CRBN: variants seen among roughly 807,000 people sequenced by gnomAD.
CRBN encodes protein cereblon.
In CRBN, 53 loss-of-function variants were observed where a neutral mutation model predicts 62.2. The ratio of observed to expected loss-of-function variants is 0.85; its 90% confidence interval spans 0.68 to 1.07. The LOEUF is 1.07. CRBN is among the 50% of genes least tolerant of loss of function. CRBN has a pLI of 0.00. For missense variants in CRBN, 616 were observed against 531.1 expected (o/e 1.16, Z -1.57); for synonymous variants, 208 against 176.1 (o/e 1.18, Z -1.43).
chr3:3,179,678 C>T lies in CRBN; in HGVS notation c.10G>A (p.Glu4Lys). Reference sequence around the variant, plus strand: ...TGCGCAGCGTCCTGCTGATCTCCTTCGCCGGCCATGTCTGTTTACCCGCAA... The same window carrying T: ...TGCGCAGCGTCCTGCTGATCTCCTTTGCCGGCCATGTCTGTTTACCCGCAA... MAG[E>K]GDQQDAAHNM... The change falls in exon 1 of 11, where the codon GAA becomes AAA. Residue 4 changes from glutamate (E) to lysine (K), a missense_variant. Coordinates refer to ENST00000231948, the MANE Select transcript of CRBN (RefSeq NM_016302.4). 1 of 1,613,112 alleles carries T rather than the reference C, an allele frequency of 6.2e-7. No individual in the cohort carries two copies. The highest frequency in any genetic ancestry group is 8.5e-7 in the Non-Finnish European group (1 of 1,179,540).
At chr3:3,173,427 T>A (rs1461115837) in intron 3 of CRBN, among the ~76,000 whole-genome samples, 1 of 152,186 alleles carries the variant, frequency 6.6e-6, no homozygotes, top group Non-Finnish European at 1.5e-5. Context: ...TAGAGAACTT[T>A]AGGAAAATAA....
chr3:3,152,301 TG>T (rs1325923104), intron 10 of CRBN, among the ~76,000 whole-genome samples, 154 bp downstream of exon 10: 5 of 152,008 alleles, frequency 3.3e-5, no homozygotes, highest in African/African-American at 1.2e-4. Context: ...TACAGACCCC[TG>T]CCCCCATACC....
At chr3:3,164,598 G>A (rs1221659552) in intron 5 of CRBN, among the ~76,000 whole-genome samples, 1 of 152,172 alleles carries the variant, frequency 6.6e-6, no homozygotes, top group African/African-American at 2.4e-5. Flanking sequence ...AACAAAGTCC[G>A]GATGACAGAA....
chr3:3,157,129 A>G (rs780104017), intron 5 of CRBN, among the ~76,000 whole-genome samples: 2 of 152,186 alleles, frequency 1.3e-5, no homozygotes, highest in Non-Finnish European at 2.9e-5. Context: ...TTTTTGAAAG[A>G]GAAGCAAATG....
At position 3,179,675 on chromosome 3, in the gene CRBN, C is replaced by T. The variant is rs1250225494; in HGVS notation, c.13G>A (p.Gly5Arg). The change falls in exon 1 of 11, where the codon GGA becomes AGA. Residue 5 changes from glycine (G) to arginine (R), a missense_variant. By Grantham distance (125) the Gly-to-Arg change is moderately radical (BLOSUM62 -2). Transcript: ENST00000231948. MAGE[G>R]DQQDAAHNMG... ...TTGTGCGCAGCGTCCTGCTGATCTCCTTCGCCGGCCATGTCTGTTTACCCG... is the reference window on the plus strand; with the variant it reads ...TTGTGCGCAGCGTCCTGCTGATCTCTTTCGCCGGCCATGTCTGTTTACCCG... The T allele has an allele frequency of 1.2e-6, 2 of 1,612,918 alleles. No homozygotes were observed. Among genetic ancestry groups the T allele is most frequent in the African/African-American group, 2.7e-5 (2 of 75,030 alleles).
chr3:3,159,394 C>T (rs1005543742), intron 5 of CRBN, among the ~76,000 whole-genome samples: 1 of 152,118 alleles, frequency 6.6e-6, no homozygotes, highest in Non-Finnish European at 1.5e-5. Context: ...TTAAAATATA[C>T]TTCACATATC....
At chr3:3,155,699 G>C (rs545741207) in intron 6 of CRBN, 1 of 155,942 alleles carries the variant, frequency 6.4e-6, no homozygotes, top group East Asian at 1.9e-4. Context: ...TACTTGTTTA[G>C]AGAAAAACCA....
Position 3,174,149 on chromosome 3 carries a change from G to T in CRBN, c.287C>A (p.Thr96Lys). Residue 96 changes from threonine to lysine, a missense_variant, in exon 3 of 11, where the codon ACA becomes AAA. Thr to Lys is a moderately conservative substitution (Grantham distance 78). Coordinates refer to ENST00000231948, the MANE Select transcript of CRBN (RefSeq NM_016302.4). ...AGGGTGAAAAAGCTGAAGAGGTAAT[G>T]TCTGTCCGGGAATCAGGATCATCAT... ...QVMMILIPGQTLPLQLFHPQE... is the reference protein window; with the variant it reads ...QVMMILIPGQKLPLQLFHPQE... The T allele has an allele frequency of 6.2e-7, 1 of 1,614,134 alleles. No homozygotes were observed. The highest frequency in any genetic ancestry group is 8.5e-7 in the Non-Finnish European group (1 of 1,179,972).
At chr3:3,173,305 G>T (rs1020552533) in intron 3 of CRBN, among the ~76,000 whole-genome samples, 1 of 152,068 alleles carries the variant, frequency 6.6e-6, no homozygotes, top group African/African-American at 2.4e-5. Context: ...TGATCCACCC[G>T]CCTCGGCCTC....
At chr3:3,157,647 A>G (rs929290364) in intron 5 of CRBN, among the ~76,000 whole-genome samples, 2 of 152,152 alleles carry the variant, frequency 1.3e-5, no homozygotes, top group African/African-American at 4.8e-5. Context: ...AACACAGCAC[A>G]CATAAAAGGG....
chr3:3,172,488 G>C (rs1345676215), intron 4 of CRBN: 4 of 420,184 alleles, frequency 9.5e-6, no homozygotes, highest in Middle Eastern at 1.4e-3. Flanking sequence ...CTCAAACCTG[G>C]AGAGACATTA....
chr3:3,179,359 G>A (rs543721786), intron 1 of CRBN, among the ~76,000 whole-genome samples: 2 of 152,300 alleles, frequency 1.3e-5, no homozygotes, highest in Middle Eastern at 3.4e-3. Flanking sequence ...AAGGAGGATG[G>A]AGAGGATGGG....
At chr3:3,158,582 A>C (rs1707008860) in intron 5 of CRBN, among the ~76,000 whole-genome samples, 1 of 152,248 alleles carries the variant, frequency 6.6e-6, no homozygotes, top group African/African-American at 2.4e-5. Context: ...AGAGCACATC[A>C]AGTAGCTCTG....
At chr3:3,161,922 A>G (rs1052714566) in intron 5 of CRBN, among the ~76,000 whole-genome samples, 14 of 152,358 alleles carry the variant, frequency 9.2e-5, no homozygotes, top group African/African-American at 2.9e-4. Context: ...AGAATCTCCT[A>G]TAAGATACAC....
At position 3,179,613 on chromosome 3, in the gene CRBN, G is replaced by T. The variant is rs1422796615; in HGVS notation, c.67+8C>A. On this transcript the variant is annotated splice_region_variant and intron_variant, in intron 1 of 10. Coordinates refer to ENST00000231948, the MANE Select transcript of CRBN (RefSeq NM_016302.4). ...TCCCGACTACAGGGAACTACTCCGG[G>T]CGGTTACCAGGCAGGAGCGGCAGGT... 6.2e-7 allele frequency: 1 copy of T among 1,613,470 alleles called. No individual in the cohort carries two copies. Among genetic ancestry groups the T allele is most frequent in the South Asian group, 1.1e-5 (1 of 91,060 alleles).
At chr3:3,154,999 G>T (rs576867619) in intron 6 of CRBN, 168 bp from the exon 7 acceptor site, 3 of 629,838 alleles carry the variant, frequency 4.8e-6, no homozygotes, top group South Asian at 1.9e-5. Flanking sequence ...TCAAGCTCCA[G>T]CTCCTTTGCC....
At chr3:3,172,690 G>T (rs796185883) in intron 4 of CRBN, 86 bp downstream of exon 4, 25 of 1,385,258 alleles carry the variant, frequency 1.8e-5, no homozygotes, top group Non-Finnish European at 2.5e-5. Flanking sequence ...TACAAAATAT[G>T]AAGGCTCAGT....
intron 9 of CRBN, 105 bp from the exon 10 acceptor site, chr3:3,152,692 TAC>T (rs1240724180): frequency 5.2e-6 from 7 of 1,354,500 alleles, no homozygotes; most frequent in Admixed American, 1.9e-5. Flanking sequence ...GTATGAGCTA[TAC>T]AGTTTTTAAT....
chr3:3,164,050 C>T (rs1707236455), intron 5 of CRBN, among the ~76,000 whole-genome samples: 1 of 152,178 alleles, frequency 6.6e-6, no homozygotes. Context: ...CCATTTAAGA[C>T]AGTAAACTTA....
Sources: allele counts gnomAD v4.1 joint callset (sites outside exome capture counted in the v4.1 genomes callset), GRCh38; gene constraint gnomAD v4.1.1; transcripts MANE v1.5; gene names NCBI Gene and HGNC (gene_info 2026-07-23, HGNC 2026-07-21).